The following MED17 variants were observed in gnomAD, a reference collection of about 807,000 sequenced individuals.
The protein encoded by MED17 is mediator complex subunit 17.
Under a neutral mutation model 80.8 loss-of-function variants are expected in MED17, and 49 were observed. The ratio of observed to expected loss-of-function variants is 0.61; its 90% confidence interval spans 0.48 to 0.77. MED17 has a LOEUF of 0.77. Among genes scored for constraint, MED17 ranks in the 30% least tolerant of loss-of-function variants. The pLI is 0.00. For synonymous variants in MED17, 281 were observed against 280.4 expected (o/e 1.00, Z -0.02); for missense variants, 718 against 787.0 (o/e 0.91, Z 1.05).
chr11:93,811,972 T>C lies in MED17; in HGVS notation c.1864T>C (p.Phe622Leu). 1 of 1,614,104 alleles carries C rather than the reference T, an allele frequency of 6.2e-7. No individual in the cohort carries two copies. Among genetic ancestry groups the C allele is most frequent in the East Asian group, 2.2e-5 (1 of 44,862 alleles). The change falls in exon 12 of 12, where the codon TTC becomes CTC. Residue 622 changes from phenylalanine (F) to leucine (L), a missense_variant. Coordinates refer to ENST00000251871, the MANE Select transcript of MED17 (RefSeq NM_004268.5). ...CAAATGGAGTCATCTTCGTGGGCCA[T>C]TCAAAGAAGTTCAGTGGAATAAAAT... The part of the protein sequence containing the change: ...DNKWSHLRGP[F>L]KEVQWNKMEG...
intron 3 of MED17, chr11:93,793,140 CAG>C (rs1200532524): frequency 9.7e-5 from 1 of 10,332 alleles, no homozygotes; most frequent in Non-Finnish European, 4.6e-4. Context: ...TTTTTTGAGA[CAG>C]AGTTTCGCTC....
Position 93,784,379 on chromosome 11 carries a change from C to A in MED17, c.-135C>A. 2.6e-6 allele frequency: 3 copies of A among 1,153,798 alleles called. No individual in the cohort carries two copies. Among genetic ancestry groups the A allele is most frequent in the Admixed American group, 2.9e-5 (1 of 34,454 alleles). 71.5% of individuals were successfully genotyped at this position (1,153,798 alleles called of 1,614,324 possible). A position where few individuals can be genotyped will look rare whatever the true frequency, so the allele number is the denominator to read the frequency against. On this transcript the variant is annotated 5_prime_UTR_variant, in exon 1 of 12. Transcript: ENST00000251871. ...TTGTTTCCAGTCTGAGCGTTGCGTT[C>A]GGTTTCCCGAGGGTCTTCTGAGGCA... is the stretch of plus-strand genomic sequence containing the variant.
chr11:93,793,714 T>TC lies in MED17; in HGVS notation c.638-14_638-13insC. Reference sequence around the variant, plus strand: ...TAACTGTTTTATATTTTCCTATTTTTAATACAACATTAGGATCTCTCTTTC... The same window carrying TC: ...TAACTGTTTTATATTTTCCTATTTTTCAATACAACATTAGGATCTCTCTTTC... On this transcript the variant is annotated splice_polypyrimidine_tract_variant and intron_variant, in intron 3 of 11. Coordinates refer to ENST00000251871, the MANE Select transcript of MED17 (RefSeq NM_004268.5). The TC allele has an allele frequency of 6.5e-7, 1 of 1,527,252 alleles. No homozygotes were observed. Among genetic ancestry groups the TC allele is most frequent in the Non-Finnish European group, 9.1e-7 (1 of 1,103,460 alleles). The allele number at this position is 1,527,252 out of a possible 1,614,324, so 94.6% of individuals were successfully genotyped here.
At chr11:93,791,229 C>G (rs1032340027) in intron 3 of MED17, among the ~76,000 whole-genome samples, 1 of 152,220 alleles carries the variant, frequency 6.6e-6, no homozygotes, top group Non-Finnish European at 1.5e-5. Flanking sequence ...TAAGCCAAAA[C>G]CACTCTTATC....
chr11:93,796,405 A>T lies in MED17; in HGVS notation c.1013-5A>T. The T allele has an allele frequency of 6.2e-7, 1 of 1,610,568 alleles. No homozygotes were observed. Among genetic ancestry groups the T allele is most frequent in the Non-Finnish European group, 8.5e-7 (1 of 1,177,212 alleles). ...TACATATGTCCTCCTTCTTTTTATAAATAGGCTTGCAGTTATCTATTTCTT... is the reference window on the plus strand; with the variant it reads ...TACATATGTCCTCCTTCTTTTTATATATAGGCTTGCAGTTATCTATTTCTT... On this transcript the variant is annotated splice_region_variant and splice_polypyrimidine_tract_variant and intron_variant, in intron 6 of 11. Transcript: ENST00000251871.
At chr11:93,803,967 GTATA>G (rs1192044339) in intron 9 of MED17, among the ~76,000 whole-genome samples, 1,951 of 144,504 alleles carry the variant, frequency 0.014, 55 homozygotes, top group African/African-American at 0.048. Flanking sequence ...GTGTATGTGT[GTATA>G]TGTGTGTGTG....
intron 10 of MED17, chr11:93,809,497 G>A (rs1030364330): frequency 1.7e-6 from 1 of 597,468 alleles, no homozygotes; most frequent in Non-Finnish European, 3.0e-6. Flanking sequence ...GCTGCCAGTG[G>A]GCAGGAGAAG....
chr11:93,805,621 C>T (rs1490321633), intron 9 of MED17, among the ~76,000 whole-genome samples: 1 of 152,120 alleles, frequency 6.6e-6, no homozygotes, highest in Admixed American at 6.6e-5. Context: ...ATTAGTACTA[C>T]CAAATTGTTT....
chr11:93,811,682 G>A (rs1944086430), intron 11 of MED17, 171 bp from the exon 12 acceptor site: 1 of 623,782 alleles, frequency 1.6e-6, no homozygotes, highest in Non-Finnish European at 2.8e-6. Context: ...TTATATAGAA[G>A]TTAGAGTTTT....
chr11:93,787,229 T>C (rs976565312), intron 1 of MED17, among the ~76,000 whole-genome samples: 1 of 151,910 alleles, frequency 6.6e-6, no homozygotes, highest in Non-Finnish European at 1.5e-5. Context: ...CTGACTAACA[T>C]GGTGAAACCC....
intron 1 of MED17, chr11:93,785,050 A>G (rs1266401985): frequency 3.8e-6 from 2 of 527,256 alleles, no homozygotes; most frequent in Non-Finnish European, 6.8e-6. Flanking sequence ...CCTTTAATGT[A>G]GCACACTTAG....
rs557011145 is a variant in MED17, at chr11:93,809,147, T to C, written c.1585-570T>C. The stretch of plus-strand genomic sequence containing the variant: ...GCCAAAGTTAAGAGGAAGGACAGAT[T>C]ACAAGAACCCTAAGGGGGAGAGTCG... On this transcript the variant is annotated intron_variant, in intron 10 of 11. Transcript: ENST00000251871. 13 of 168,706 alleles carry C rather than the reference T, an allele frequency of 7.7e-5. 1 individual carries two copies. In the South Asian group the frequency reaches 1.5e-3, roughly 20 times the overall value. 10.5% of individuals were successfully genotyped at this position (168,706 alleles called of 1,614,324 possible).
chr11:93,791,892 G>T (rs762792395), intron 3 of MED17, among the ~76,000 whole-genome samples: 2 of 152,140 alleles, frequency 1.3e-5, no homozygotes, highest in African/African-American at 4.8e-5. Flanking sequence ...AAAAAGGTTT[G>T]CTTTCCTTTT....
At chr11:93,809,933 A>T in intron 11 of MED17, 57 bp downstream of exon 11, 5 of 1,558,074 alleles carry the variant, frequency 3.2e-6, no homozygotes, top group Non-Finnish European at 4.4e-6. Context: ...TTTAACATTT[A>T]GTTTTAATAA....
chr11:93,793,645 T>A (rs1256813581), intron 3 of MED17, 83 bp from the exon 4 acceptor site: 3 of 1,015,144 alleles, frequency 3.0e-6, no homozygotes, highest in Non-Finnish European at 4.6e-6. Flanking sequence ...GTGATGTGGA[T>A]GTGAAGTATT....
chr11:93,812,445 C>CA lies in MED17; in HGVS notation c.*381_*382insA. The CA allele has an allele frequency of 2.8e-6, 1 of 352,380 alleles. No homozygotes were observed. Among genetic ancestry groups the CA allele is most frequent in the Non-Finnish European group, 5.0e-6 (1 of 198,580 alleles). The allele number at this position is 352,380 out of a possible 1,614,324, so 21.8% of individuals were successfully genotyped here. On this transcript the variant is annotated 3_prime_UTR_variant, in exon 12 of 12. Transcript: ENST00000251871. The stretch of plus-strand genomic sequence containing the variant: ...TTTTTCCCCCCAAATACTTTCTAAA[C>CA]TTTTTTTTTTTGAGATGGTATCTCA...
rs144959911 is a variant in MED17 at position 93,787,323 on chromosome 11, G to A, written c.251-678G>A. ...AGCTACTGGGGAGGCTGAGGCAGGA[G>A]AATGGCATGAATCCGGGAGGTGGAG... On this transcript the variant is annotated intron_variant, in intron 1 of 11. Coordinates refer to ENST00000251871, the MANE Select transcript of MED17 (RefSeq NM_004268.5). 3.3e-3 allele frequency among the ~76,000 whole-genome samples: 503 copies of A among 152,178 alleles called. 2 individuals carry two copies. Among genetic ancestry groups the A allele is most frequent in the Middle Eastern group, 0.01 (3 of 294 alleles).
intron 8 of MED17, among the ~76,000 whole-genome samples, chr11:93,798,200 A>G (rs1334407145): frequency 6.6e-6 from 1 of 152,226 alleles, no homozygotes; most frequent in Non-Finnish European, 1.5e-5. Context: ...ACCTTGCTCA[A>G]GGTTACACAG....
chr11:93,796,820 G>A (rs1045388749), intron 7 of MED17: 12 of 405,698 alleles, frequency 3.0e-5, no homozygotes, highest in East Asian at 2.2e-4. Flanking sequence ...GATTCTGACC[G>A]GGGGAGTTAA....
Sources: gnomAD v4.1 joint callset for allele counts (sites outside exome capture counted in the v4.1 genomes callset) on GRCh38, gnomAD v4.1.1 for gene constraint, MANE v1.5 for transcripts, NCBI Gene and HGNC (gene_info 2026-07-23, HGNC 2026-07-21) for gene names.